Variants in LINGO2 observed in about 807,000 individuals in gnomAD.
LINGO2 encodes the protein leucine rich repeat and Ig domain containing 2, also known as leucine-rich repeat and immunoglobulin-like domain-containing nogo receptor-interacting protein 2.
A neutral mutation model predicts 30.6 loss-of-function variants in LINGO2; 14 were observed. That is an observed-to-expected ratio of 0.46 (90% confidence interval 0.30 to 0.72). The LOEUF (loss-of-function observed/expected upper bound fraction) is 0.72. LINGO2 is among the 30% of genes least tolerant of loss of function. LINGO2 has a pLI of 0.07. For missense variants in LINGO2, 729 were observed against 751.7 expected, an observed-to-expected ratio of 0.97 and a Z score of 0.35; for synonymous variants, 317 against 288.5, an observed-to-expected ratio of 1.10 and a Z score of -1.00.
chr9:28,276,631 G>A lies in LINGO2; in HGVS notation c.-87+18577C>T, dbSNP rs115861639. Among the ~76,000 whole-genome samples the A allele has an allele frequency of 3.6e-3, 549 of 152,146 alleles. 3 individuals are homozygous for A. Among genetic ancestry groups the A allele is most frequent in the African/African-American group, 0.013 (523 of 41,506 alleles). ...TGGATAATACTGATATTTCAGTTAG[G>A]TACAGTTACATCCACTGGATGCTTC... On this transcript the variant is annotated intron_variant, in intron 4 of 5. Transcript: ENST00000379992.
the LINGO2 span, among the ~76,000 whole-genome samples, chr9:28,955,503 C>A: frequency 6.6e-6 from 1 of 151,960 alleles, no homozygotes; most frequent in Non-Finnish European, 1.5e-5. Flanking sequence ...GGATGTCCTG[C>A]AGTGGAAGAA....
At chr9:29,070,849 TATG>T in the LINGO2 span, among the ~76,000 whole-genome samples, 3 of 151,320 alleles carry the variant, frequency 2.0e-5, no homozygotes, top group Admixed American at 6.6e-5. Flanking sequence ...TTTTATTATT[TATG>T]ATTAGAAGAA....
the LINGO2 span, among the ~76,000 whole-genome samples, chr9:28,746,775 T>C: frequency 1.3e-5 from 2 of 152,126 alleles, no homozygotes; most frequent in Non-Finnish European, 2.9e-5. Context: ...GTGATTTTTA[T>C]GACAGTGGGC....
At chr9:29,110,564 C>T in the LINGO2 span, among the ~76,000 whole-genome samples, 28 of 152,182 alleles carry the variant, frequency 1.8e-4, no homozygotes, top group East Asian at 4.3e-3. Flanking sequence ...GATCTCCTGA[C>T]CTCGTGATCC....
the LINGO2 span, among the ~76,000 whole-genome samples, chr9:28,791,119 C>T: frequency 2.0e-5 from 3 of 151,994 alleles, no homozygotes; most frequent in Non-Finnish European, 2.9e-5. Flanking sequence ...TATCCCCTTC[C>T]TTTCTCACCA....
the LINGO2 span, among the ~76,000 whole-genome samples, chr9:28,879,141 G>C: frequency 6.6e-6 from 1 of 152,060 alleles, no homozygotes; most frequent in African/African-American, 2.4e-5. Context: ...TCAGCAAAGT[G>C]TCAGGATACA....
chr9:27,973,266 G>A (rs866650460), intron 5 of LINGO2, among the ~76,000 whole-genome samples: 1 of 152,080 alleles, frequency 6.6e-6, no homozygotes, highest in East Asian at 1.9e-4. Flanking sequence ...TTAAAGCAGT[G>A]GATTCTCCAG....
the LINGO2 span, among the ~76,000 whole-genome samples, chr9:28,818,479 G>A: frequency 2.0e-5 from 3 of 152,116 alleles, no homozygotes; most frequent in Non-Finnish European, 4.4e-5. Flanking sequence ...CTACCTCCTG[G>A]GTTCAAGCAA....
At chr9:28,003,368 T>C (rs1429408008) in intron 5 of LINGO2, among the ~76,000 whole-genome samples, 1 of 146,148 alleles carries the variant, frequency 6.8e-6, no homozygotes, top group Non-Finnish European at 1.5e-5. Context: ...GATAGATAGA[T>C]AGATAGATAG....
chr9:28,409,429 G>T (rs1336715718), intron 2 of LINGO2, among the ~76,000 whole-genome samples: 1 of 152,032 alleles, frequency 6.6e-6, no homozygotes, highest in South Asian at 2.1e-4. Context: ...CTTGAACTTT[G>T]CTGTGGATAG....
intron 2 of LINGO2, among the ~76,000 whole-genome samples, chr9:28,454,308 G>A (rs1213726114): frequency 2.0e-5 from 3 of 151,810 alleles, no homozygotes; most frequent in African/African-American, 7.2e-5. Flanking sequence ...TTCAACTTTT[G>A]CACTTATTTT....
intron 1 of LINGO2, among the ~76,000 whole-genome samples, chr9:28,480,605 A>G (rs754171924): frequency 2.6e-5 from 4 of 152,138 alleles, no homozygotes; most frequent in Non-Finnish European, 5.9e-5. Context: ...GGAAGAATTC[A>G]GTAACTTTAA....
At chr9:27,991,246 A>G (rs1821384580) in intron 5 of LINGO2, among the ~76,000 whole-genome samples, 2 of 152,026 alleles carry the variant, frequency 1.3e-5, no homozygotes, top group South Asian at 4.1e-4. Context: ...AACAACAACA[A>G]AGGATTTTTT....
the LINGO2 span, among the ~76,000 whole-genome samples, chr9:29,192,953 G>A: frequency 6.6e-6 from 1 of 152,190 alleles, no homozygotes; most frequent in Admixed American, 6.5e-5. Context: ...GTATCTTAGA[G>A]GAAGGTGTAC....
At chr9:28,702,889 T>C in the LINGO2 span, among the ~76,000 whole-genome samples, 40 of 152,028 alleles carry the variant, frequency 2.6e-4, no homozygotes, top group African/African-American at 9.4e-4. Flanking sequence ...ATTTGGCCAT[T>C]TCATCTAGGC....
chr9:28,845,556 A>G, the LINGO2 span, among the ~76,000 whole-genome samples: 1 of 151,912 alleles, frequency 6.6e-6, no homozygotes. Context: ...AAGAGGAATA[A>G]TTAAAAGCAG....
chr9:28,031,795 G>GTC (rs1305620618), intron 4 of LINGO2, among the ~76,000 whole-genome samples: 5 of 152,170 alleles, frequency 3.3e-5, no homozygotes, highest in Admixed American at 3.3e-4. Context: ...ACACACACTT[G>GTC]TCTATCAAAG....
chr9:28,321,976 C>A (rs1825060829), intron 3 of LINGO2, among the ~76,000 whole-genome samples: 1 of 152,190 alleles, frequency 6.6e-6, no homozygotes, highest in South Asian at 2.1e-4. Flanking sequence ...TCAATGAGAT[C>A]CATTTTGTAA....
intron 4 of LINGO2, among the ~76,000 whole-genome samples, chr9:28,016,853 C>T (rs896604428): frequency 6.6e-6 from 1 of 151,950 alleles, no homozygotes; most frequent in Non-Finnish European, 1.5e-5. Flanking sequence ...AAATCAGGAA[C>T]CTAATACCAA....
Sources: gnomAD v4.1 joint callset for allele counts (sites outside exome capture counted in the v4.1 genomes callset) on GRCh38, gnomAD v4.1.1 for gene constraint, MANE v1.5 for transcripts, NCBI Gene and HGNC (gene_info 2026-07-23, HGNC 2026-07-21) for gene names.